CCDC146: variants seen among roughly 807,000 people sequenced by gnomAD.
CCDC146 encodes coiled-coil domain containing 146.
A neutral mutation model predicts 119.3 loss-of-function variants in CCDC146; 92 were observed. The ratio of observed to expected loss-of-function variants is 0.77; its 90% CI spans 0.65 to 0.92. The LOEUF is 0.92. Among genes scored for constraint, CCDC146 ranks in the 40% least tolerant of loss-of-function variants. The pLI is 0.00. For missense variants in CCDC146, 1,000 were observed against 1,103.0 expected (o/e 0.91, Z 1.32); for synonymous variants, 372 against 371.8 (o/e 1.00, Z -0.01).
At chr7:77,160,413 C>T (rs558277735) in intron 1 of CCDC146, among the ~76,000 whole-genome samples, 5 of 152,144 alleles carry the variant, frequency 3.3e-5, no homozygotes, top group Non-Finnish European at 7.3e-5. Context: ...ATGGAATGTT[C>T]TTCCATTTGT....
intron 13 of CCDC146, 65 bp downstream of exon 13, chr7:77,279,166 A>C: frequency 6.5e-7 from 1 of 1,547,894 alleles, no homozygotes; most frequent in Non-Finnish European, 8.7e-7. Context: ...AACTCTAAAA[A>C]TCCTGGGGAT....
intron 1 of CCDC146, among the ~76,000 whole-genome samples, chr7:77,159,072 C>T (rs1410241100): frequency 6.6e-6 from 1 of 152,054 alleles, no homozygotes; most frequent in Non-Finnish European, 1.5e-5. Context: ...AAGTATACAT[C>T]CATGAAACCA....
At chr7:77,153,424 T>C (rs1791134577) in intron 1 of CCDC146, among the ~76,000 whole-genome samples, 1 of 120,246 alleles carries the variant, frequency 8.3e-6, no homozygotes, top group Non-Finnish European at 1.8e-5. Flanking sequence ...AGTGGGACTT[T>C]TCTTTTTTTT....
At chr7:77,236,123 A>G (rs1584098950) in intron 2 of CCDC146, among the ~76,000 whole-genome samples, 1 of 144,994 alleles carries the variant, frequency 6.9e-6, no homozygotes, top group East Asian at 2.0e-4. Flanking sequence ...AAAAACACAA[A>G]TATTCTCTTT....
chr7:77,229,700 G>A (rs956789855), intron 2 of CCDC146, among the ~76,000 whole-genome samples: 3 of 152,094 alleles, frequency 2.0e-5, no homozygotes, highest in East Asian at 3.8e-4. Flanking sequence ...GTTCATACTT[G>A]TATTTGCAAT....
rs572864619 is a variant in CCDC146, at chr7:77,239,749, T to G, written c.240-1942T>G. Among the ~76,000 whole-genome samples the G allele has an allele frequency of 1.2e-4, 19 of 152,328 alleles. 2 individuals carry two copies. In the South Asian group the frequency reaches 3.9e-3, roughly 32 times the overall value. ...TCTGGGAAAGAGGAATCATATCTAC[T>G]GGTAAGGTTGGAGCCGATGCTTGCT... On this transcript the variant is annotated intron_variant, in intron 3 of 18. Coordinates refer to ENST00000285871, the MANE Select transcript of CCDC146 (RefSeq NM_020879.3).
At chr7:77,279,153 T>C (rs765850156) in intron 13 of CCDC146, 52 bp downstream of exon 13, 1 of 1,574,802 alleles carries the variant, frequency 6.3e-7, no homozygotes, top group South Asian at 1.2e-5. Context: ...TCTGATTCAT[T>C]TGAACTCTAA....
intron 14 of CCDC146, 142 bp from the exon 15 acceptor site, chr7:77,282,415 A>C (rs1161038689): frequency 3.2e-6 from 2 of 615,902 alleles, no homozygotes; most frequent in Non-Finnish European, 5.8e-6. Flanking sequence ...TTTAACTAGA[A>C]AGCCATTGGT....
chr7:77,134,381 G>A (rs1433092939), intron 1 of CCDC146, among the ~76,000 whole-genome samples: 1 of 151,924 alleles, frequency 6.6e-6, no homozygotes, highest in African/African-American at 2.4e-5. Context: ...GAAAAAGAGT[G>A]GAAGATAAAA....
intron 2 of CCDC146, among the ~76,000 whole-genome samples, chr7:77,208,721 A>G (rs555062526): frequency 6.6e-6 from 1 of 152,282 alleles, no homozygotes; most frequent in East Asian, 1.9e-4. Flanking sequence ...ACAAATCAGA[A>G]AAATGAAGGG....
chr7:77,162,861 T>G (rs1791282961), intron 1 of CCDC146, among the ~76,000 whole-genome samples: 1 of 152,136 alleles, frequency 6.6e-6, no homozygotes, highest in Non-Finnish European at 1.5e-5. Flanking sequence ...CTTGGTTAAA[T>G]GTATGCCTAA....
At chr7:77,176,766 T>A (rs1487794504) in intron 2 of CCDC146, among the ~76,000 whole-genome samples, 1 of 152,188 alleles carries the variant, frequency 6.6e-6, no homozygotes, top group Non-Finnish European at 1.5e-5. Context: ...TATTCACATA[T>A]TCAAAAGATG....
Position 77,141,742 on chromosome 7 carries a change from C to T in CCDC146, c.-12+19010C>T, listed in dbSNP as rs116562000. ...CTTTTGAGAAGTCTATGTTTGTATC[C>T]TTTGCCTCTTTTTGATGGGGTTGTT... is the stretch of plus-strand genomic sequence containing the variant. On this transcript the variant is annotated intron_variant, in intron 1 of 18. Transcript: ENST00000285871. 9.0e-3 allele frequency among the ~76,000 whole-genome samples: 1,370 copies of T among 152,186 alleles called. 17 individuals carry two copies. Among genetic ancestry groups the T allele is most frequent in the African/African-American group, 0.031 (1,290 of 41,520 alleles).
intron 2 of CCDC146, among the ~76,000 whole-genome samples, chr7:77,180,602 G>T (rs1027330771): frequency 1.3e-5 from 2 of 152,080 alleles, no homozygotes; most frequent in African/African-American, 4.8e-5. Flanking sequence ...GGAGGCTGAG[G>T]TCAGAAGATG....
At chr7:77,179,512 G>A (rs1791549020) in intron 2 of CCDC146, among the ~76,000 whole-genome samples, 1 of 151,872 alleles carries the variant, frequency 6.6e-6, no homozygotes, top group Non-Finnish European at 1.5e-5. Flanking sequence ...TCATTGTATA[G>A]TATTTCAAGG....
chr7:77,273,863 C>A, intron 10 of CCDC146, 74 bp downstream of exon 10: 1 of 899,646 alleles, frequency 1.1e-6, no homozygotes. Flanking sequence ...CTGTGCTCCA[C>A]AAAACCTTAT....
chr7:77,227,027 G>GT (rs994332508), intron 2 of CCDC146, among the ~76,000 whole-genome samples: 63 of 152,158 alleles, frequency 4.1e-4, no homozygotes, highest in African/African-American at 1.4e-3. Context: ...AGAGAGATTT[G>GT]TTTTTTTAGA....
chr7:77,258,487 T>C (rs1793223999), intron 6 of CCDC146, among the ~76,000 whole-genome samples: 1 of 152,232 alleles, frequency 6.6e-6, no homozygotes, highest in Admixed American at 6.5e-5. Flanking sequence ...TCATTTTCAG[T>C]ATTGAATAAA....
intron 15 of CCDC146, 71 bp downstream of exon 15, chr7:77,282,856 G>T: frequency 9.9e-7 from 1 of 1,011,510 alleles, no homozygotes; most frequent in Admixed American, 2.1e-5. Context: ...TTGTGGGTGA[G>T]TTCTTGCATG....
Sources: gnomAD v4.1 joint callset for allele counts (sites outside exome capture counted in the v4.1 genomes callset) on GRCh38, gnomAD v4.1.1 for gene constraint, MANE v1.5 for transcripts, NCBI Gene and HGNC (gene_info 2026-07-23, HGNC 2026-07-21) for gene names.